Variants in NAV3 observed in about 807,000 individuals in gnomAD.
The protein encoded by NAV3 is neuron navigator 3.
NAV3 carries 87 observed loss-of-function variants against 244.7 expected under a neutral mutation model. That is an observed-to-expected ratio of 0.36 (90% confidence interval 0.30 to 0.42). NAV3 has a LOEUF of 0.42. Ranked by LOEUF, NAV3 falls within the 20% of genes least tolerant of loss-of-function variation. The pLI is 1.00. For synonymous variants in NAV3, 1,126 were observed against 1,042.2 expected (o/e 1.08, Z -1.55); for missense variants, 2,663 against 2,893.3 (o/e 0.92, Z 1.83).
intron 2 of NAV3, among the ~76,000 whole-genome samples, chr12:77,623,896 T>G (rs558763627): frequency 6.6e-6 from 1 of 152,342 alleles, no homozygotes; most frequent in East Asian, 1.9e-4. Context: ...TAGATTCATT[T>G]CTTACCACAC....
intron 2 of NAV3, among the ~76,000 whole-genome samples, chr12:77,774,152 A>C (rs1433971872): frequency 6.6e-6 from 1 of 152,188 alleles, no homozygotes; most frequent in African/African-American, 2.4e-5. Flanking sequence ...ATGCCCATAT[A>C]AACAGCATAT....
intron 9 of NAV3, among the ~76,000 whole-genome samples, chr12:78,028,549 A>C (rs879752600): frequency 6.6e-6 from 1 of 152,208 alleles, no homozygotes. Flanking sequence ...GGAGTAACTG[A>C]GATTGGATGT....
At chr12:78,191,771 C>T (rs1958992341) in intron 34 of NAV3, among the ~76,000 whole-genome samples, 2 of 152,038 alleles carry the variant, frequency 1.3e-5, no homozygotes, top group Admixed American at 6.6e-5. Flanking sequence ...CCTTTTAGCA[C>T]AGTTTTAAAT....
chr12:77,976,666 C>CTTTCTTTCTT (rs1446044531), intron 5 of NAV3, among the ~76,000 whole-genome samples: 1 of 58,062 alleles, frequency 1.7e-5, no homozygotes, highest in African/African-American at 6.5e-5. Flanking sequence ...TTCTTTCTTT[C>CTTTCTTTCTT]TTTTTTTCTT....
chr12:77,682,048 G>T (rs1874495158), intron 2 of NAV3, among the ~76,000 whole-genome samples: 1 of 152,028 alleles, frequency 6.6e-6, no homozygotes, highest in Admixed American at 6.6e-5. Flanking sequence ...GTTATTAACT[G>T]CAGTCACCAT....
chr12:77,834,188 G>A (rs114283508), intron 1 of NAV3, among the ~76,000 whole-genome samples: 465 of 152,278 alleles, frequency 3.1e-3, no homozygotes, highest in African/African-American at 0.011. Flanking sequence ...ATGGGCACAG[G>A]CCCAGGGGTG....
chr12:77,978,265 A>G (rs1868877623), intron 5 of NAV3, among the ~76,000 whole-genome samples: 1 of 152,158 alleles, frequency 6.6e-6, no homozygotes, highest in Non-Finnish European at 1.5e-5. Context: ...GTCCTATGAA[A>G]TATTTTTTAA....
At chr12:77,802,674 T>TC (rs1182684483) in intron 2 of NAV3, among the ~76,000 whole-genome samples, 1 of 152,138 alleles carries the variant, frequency 6.6e-6, no homozygotes, top group Non-Finnish European at 1.5e-5. Flanking sequence ...TAGCTTTTTT[T>TC]CTTTTTTTTT....
At chr12:77,748,033 T>G (rs1346087988) in intron 2 of NAV3, among the ~76,000 whole-genome samples, 1 of 151,998 alleles carries the variant, frequency 6.6e-6, no homozygotes, top group Non-Finnish European at 1.5e-5. Context: ...TAAAGTATAA[T>G]AAAAAATAAA....
intron 1 of NAV3, among the ~76,000 whole-genome samples, chr12:77,905,915 C>T (rs1487380919): frequency 6.6e-6 from 1 of 152,104 alleles, no homozygotes; most frequent in African/African-American, 2.4e-5. Context: ...CTGCCAACTC[C>T]CATCACTTTC....
At chr12:77,818,400 T>C (rs1238071842) in intron 2 of NAV3, among the ~76,000 whole-genome samples, 3 of 152,160 alleles carry the variant, frequency 2.0e-5, no homozygotes, top group Non-Finnish European at 2.9e-5. Context: ...TTTTAATGTT[T>C]AGTAAGAAAC....
At chr12:77,574,042 A>T (rs1868960366) in intron 2 of NAV3, among the ~76,000 whole-genome samples, 1 of 152,202 alleles carries the variant, frequency 6.6e-6, no homozygotes, top group Non-Finnish European at 1.5e-5. Context: ...TAGAATTTAG[A>T]CAAACCATGG....
chr12:78,104,657 C>T lies in NAV3; in HGVS notation c.2637-12115C>T, dbSNP rs185177793. 2.2e-3 allele frequency among the ~76,000 whole-genome samples: 337 copies of T among 152,244 alleles called. 2 individuals carry two copies. Among genetic ancestry groups the T allele is most frequent in the African/African-American group, 7.1e-3 (295 of 41,564 alleles). ...CCAAACAATAATCTTCCAGCAGTTT[C>T]GCTAGCTACATTTTTAATTACTTAA... On this transcript the variant is annotated intron_variant, in intron 12 of 39. Transcript: ENST00000397909.
intron 2 of NAV3, among the ~76,000 whole-genome samples, chr12:77,619,855 T>C (rs1871294775): frequency 6.6e-6 from 1 of 151,856 alleles, no homozygotes; most frequent in Non-Finnish European, 1.5e-5. Context: ...AAATTGCACG[T>C]TAATGTGACA....
chr12:78,188,555 T>C lies in NAV3; in HGVS notation c.5887-54T>C, dbSNP rs1958829803. The stretch of plus-strand genomic sequence containing the variant: ...ATATCCCTGTGAGTTATGTATTTGT[T>C]GTAGATGAGTTGAACCTCTGTTTTG... On this transcript the variant is annotated intron_variant, in intron 32 of 39. Coordinates refer to ENST00000397909, the MANE Select transcript of NAV3 (RefSeq NM_001024383.2). 2.6e-6 allele frequency: 4 copies of C among 1,535,984 alleles called. No individual in the cohort carries two copies. In the Admixed American group the frequency reaches 7.0e-5, roughly 27 times the overall value.
chr12:77,900,708 A>T (rs1401257742), intron 1 of NAV3, among the ~76,000 whole-genome samples: 1 of 152,160 alleles, frequency 6.6e-6, no homozygotes, highest in Non-Finnish European at 1.5e-5. Flanking sequence ...TGAATAATTT[A>T]TGTTCCTTTG....
At chr12:77,985,097 T>C (rs1180759614) in intron 5 of NAV3, among the ~76,000 whole-genome samples, 2 of 152,222 alleles carry the variant, frequency 1.3e-5, no homozygotes, top group East Asian at 3.9e-4. Context: ...ATTACAGGCG[T>C]GAGCCACCGC....
chr12:78,122,439 C>A lies in NAV3; in HGVS notation c.4238+11C>A. On this transcript the variant is annotated intron_variant, in intron 16 of 39. Transcript: ENST00000397909. Reference sequence around the variant, plus strand: ...TACTCTCTCAGAAAGGTGAGCTTTCCTGGAGGCATTGATAACATCTTCCCC... The same window carrying A: ...TACTCTCTCAGAAAGGTGAGCTTTCATGGAGGCATTGATAACATCTTCCCC... 6.4e-7 allele frequency: 1 copy of A among 1,570,154 alleles called. No homozygotes were observed. Among genetic ancestry groups the A allele is most frequent in the Non-Finnish European group, 8.6e-7 (1 of 1,162,660 alleles).
chr12:77,837,350 G>A (rs138190298), intron 1 of NAV3, among the ~76,000 whole-genome samples: 4 of 152,096 alleles, frequency 2.6e-5, no homozygotes, highest in African/African-American at 9.6e-5. Context: ...AAGATCTTAT[G>A]TAAGAATGAG....
Sources: gnomAD v4.1 joint callset for allele counts (sites outside exome capture counted in the v4.1 genomes callset) on GRCh38, gnomAD v4.1.1 for gene constraint, MANE v1.5 for transcripts, NCBI Gene and HGNC (gene_info 2026-07-23, HGNC 2026-07-21) for gene names.